CSMD1: variants seen among roughly 807,000 people sequenced by gnomAD.
CSMD1 encodes CUB and sushi domain-containing protein 1.
A neutral mutation model predicts 417.5 loss-of-function variants in CSMD1; 213 were observed. That is an observed-to-expected ratio of 0.51 (90% CI 0.46 to 0.57). The LOEUF (loss-of-function observed/expected upper bound fraction) is 0.57. Among genes scored for constraint, CSMD1 ranks in the 20% least tolerant of loss-of-function variants. The probability of loss-of-function intolerance (pLI) is 0.00; values close to 1 mark genes in which losing one functional copy is unlikely to be tolerated. For synonymous variants in CSMD1, 2,862 were observed against 1,736.8 expected, an observed-to-expected ratio of 1.65 and a Z score of -16.11; for missense variants, 6,923 against 4,529.7, an observed-to-expected ratio of 1.53 and a Z score of -15.17.
intron 2 of CSMD1, among the ~76,000 whole-genome samples, chr8:4,583,146 C>T (rs969551426): frequency 6.6e-6 from 1 of 152,174 alleles, no homozygotes; most frequent in Non-Finnish European, 1.5e-5. Context: ...CCAAGCCTCC[C>T]CAACGAGCAC....
At chr8:4,250,648 T>C (rs1353832816) in intron 3 of CSMD1, among the ~76,000 whole-genome samples, 1 of 152,222 alleles carries the variant, frequency 6.6e-6, no homozygotes, top group Non-Finnish European at 1.5e-5. Context: ...CTGTATTAGA[T>C]ACTATTGTAA....
intron 3 of CSMD1, among the ~76,000 whole-genome samples, chr8:4,256,300 T>C (rs572025057): frequency 6.6e-6 from 1 of 152,204 alleles, no homozygotes; most frequent in African/African-American, 2.4e-5. Flanking sequence ...CAGAGTGAAA[T>C]GTACAACAAT....
At position 3,308,377 on chromosome 8, in the gene CSMD1, C is replaced by T. The variant is rs1218965455; in HGVS notation, c.3758G>A (p.Ser1253Asn). ...TCCACTCAAACAGGTCAGGGTGTTG[C>T]TGCCATGCATGGCGTACCCCGGGTT... ...SCNPGYAMHG[S>N]NTLTCLSGDR... is the part of the protein sequence containing the mutation. The change falls in exon 24 of 70, where the codon AGC (serine) becomes AAC (asparagine). Residue 1253 changes from serine (S) to asparagine (N), a missense_variant. Transcript: ENST00000635120. 1.9e-6 allele frequency: 3 copies of T among 1,613,818 alleles called. No individual in the cohort carries two copies. The highest frequency in any genetic ancestry group is 2.2e-5 in the South Asian group (2 of 91,068).
At chr8:3,834,907 G>C (rs545691103) in intron 5 of CSMD1, among the ~76,000 whole-genome samples, 3 of 151,998 alleles carry the variant, frequency 2.0e-5, no homozygotes, top group Admixed American at 6.6e-5. Flanking sequence ...AGTGGGTGAA[G>C]GACATGAACA....
intron 7 of CSMD1, among the ~76,000 whole-genome samples, chr8:3,673,032 T>C (rs906253602): frequency 1.3e-5 from 2 of 152,330 alleles, no homozygotes; most frequent in Admixed American, 6.5e-5. Flanking sequence ...GTTCATTTCA[T>C]CTCTAGAAAG....
chr8:3,581,659 G>C (rs1367532667), intron 9 of CSMD1, among the ~76,000 whole-genome samples: 3 of 152,190 alleles, frequency 2.0e-5, no homozygotes, highest in Admixed American at 6.5e-5. Context: ...TGCTCAGAAT[G>C]GACCTGATGT....
Position 3,000,063 on chromosome 8 carries a change from C to G in CSMD1, c.8098G>C (p.Asp2700His). Residue 2700 changes from aspartate (D) to histidine (H), a missense_variant, in exon 53 of 70, where the codon GAC (aspartate) becomes CAC (histidine). Asp to His is a moderately conservative substitution (Grantham distance 81). Coordinates refer to ENST00000635120, the MANE Select transcript of CSMD1 (RefSeq NM_033225.6). Reference sequence around the variant, plus strand: ...GGATTGCACTGGTAAACCACCGTGTCTCTGTAACTGAAGCCATCTCCACTA... The same window carrying G: ...GGATTGCACTGGTAAACCACCGTGTGTCTGTAACTGAAGCCATCTCCACTA... Reference protein sequence around the residue: ...HISGDGFSYRDTVVYQCNPGF... With the variant: ...HISGDGFSYRHTVVYQCNPGF... The G allele has an allele frequency of 6.2e-7, 1 of 1,603,240 alleles. No individual in the cohort carries two copies. Among genetic ancestry groups the G allele is most frequent in the Non-Finnish European group, 8.5e-7 (1 of 1,177,644 alleles).
intron 1 of CSMD1, among the ~76,000 whole-genome samples, chr8:4,847,050 G>GA (rs1436500009): frequency 3.9e-5 from 6 of 151,966 alleles, no homozygotes; most frequent in Non-Finnish European, 7.4e-5. Context: ...TTCTTGTTCT[G>GA]ATAATTGGCG....
At chr8:4,251,314 T>C (rs927635041) in intron 3 of CSMD1, among the ~76,000 whole-genome samples, 5 of 152,180 alleles carry the variant, frequency 3.3e-5, no homozygotes, top group African/African-American at 9.6e-5. Flanking sequence ...AAGAATGTCA[T>C]AGTATTTGCA....
At chr8:4,033,319 G>A (rs572166186) in intron 3 of CSMD1, among the ~76,000 whole-genome samples, 6 of 152,102 alleles carry the variant, frequency 3.9e-5, no homozygotes, top group East Asian at 1.9e-4. Context: ...GCGGGCACCT[G>A]TAGTCCCAGC....
chr8:4,486,197 A>G (rs1801391144), intron 2 of CSMD1, among the ~76,000 whole-genome samples: 3 of 8,314 alleles, frequency 3.6e-4, no homozygotes, highest in African/African-American at 1.5e-3. Context: ...ATATATATAT[A>G]TACATACATA....
intron 1 of CSMD1, among the ~76,000 whole-genome samples, chr8:4,750,389 A>G (rs1052046010): frequency 2.7e-4 from 41 of 152,320 alleles, no homozygotes; most frequent in African/African-American, 9.9e-4. Context: ...TAGGGTTATC[A>G]AGATTCAATT....
intron 1 of CSMD1, among the ~76,000 whole-genome samples, chr8:4,700,963 C>A (rs774388243): frequency 2.0e-5 from 3 of 152,090 alleles, no homozygotes; most frequent in Non-Finnish European, 4.4e-5. Flanking sequence ...CGGTCTCCTG[C>A]ATGTACATAC....
chr8:4,261,242 T>G (rs770934577), intron 3 of CSMD1, among the ~76,000 whole-genome samples: 17 of 152,154 alleles, frequency 1.1e-4, no homozygotes, highest in African/African-American at 4.1e-4. Context: ...TCTTGTGTAG[T>G]AGACTCAAAA....
chr8:3,032,649 A>G (rs367725675), intron 50 of CSMD1, among the ~76,000 whole-genome samples: 26 of 152,096 alleles, frequency 1.7e-4, no homozygotes, highest in African/African-American at 5.5e-4. Context: ...GTTTCTAGTC[A>G]CTGACATCAG....
intron 40 of CSMD1, among the ~76,000 whole-genome samples, chr8:3,149,091 C>A (rs1383129508): frequency 6.6e-6 from 1 of 152,084 alleles, no homozygotes; most frequent in African/African-American, 2.4e-5. Context: ...TCATTTCAGT[C>A]TTTCTTTAAA....
intron 10 of CSMD1, among the ~76,000 whole-genome samples, chr8:3,520,459 A>G (rs1340810801): frequency 6.6e-6 from 1 of 152,188 alleles, no homozygotes; most frequent in East Asian, 1.9e-4. Flanking sequence ...TAAAATATCA[A>G]GTTACTATTG....
intron 49 of CSMD1, among the ~76,000 whole-genome samples, chr8:3,071,914 A>G (rs7844468): frequency 0.61 from 92,938 of 152,114 alleles, 28,638 homozygotes; most frequent in Non-Finnish European, 0.62. Flanking sequence ...TGTGCCCCTC[A>G]GTTGATCTCT....
intron 1 of CSMD1, among the ~76,000 whole-genome samples, chr8:4,781,230 G>T (rs942676807): frequency 6.6e-6 from 1 of 152,172 alleles, no homozygotes; most frequent in East Asian, 1.9e-4. Flanking sequence ...ATGTGGTGAG[G>T]CACAATGGCT....
Sources: gnomAD v4.1 joint callset for allele counts (sites outside exome capture counted in the v4.1 genomes callset) on GRCh38, gnomAD v4.1.1 for gene constraint, MANE v1.5 for transcripts, NCBI Gene and HGNC (gene_info 2026-07-23, HGNC 2026-07-21) for gene names.